The following CDH12 variants were observed in gnomAD, a reference collection of about 807,000 sequenced individuals.
CDH12 encodes cadherin 12, also known as cadherin-12.
CDH12 carries 41 observed loss-of-function variants against 74.1 expected under a neutral mutation model. The ratio of observed to expected loss-of-function variants is 0.55; its 90% CI spans 0.43 to 0.72. The LOEUF is 0.72. Among genes scored for constraint, CDH12 ranks in the 30% least tolerant of loss-of-function variants. CDH12 has a pLI of 0.00. For synonymous variants in CDH12, 399 were observed against 355.0 expected, an observed-to-expected ratio of 1.12 and a Z score of -1.39; for missense variants, 945 against 977.2, an observed-to-expected ratio of 0.97 and a Z score of 0.44.
At chr5:22,225,542 A>G (rs1180324677) in intron 3 of CDH12, among the ~76,000 whole-genome samples, 1 of 152,138 alleles carries the variant, frequency 6.6e-6, no homozygotes, top group African/African-American at 2.4e-5. Flanking sequence ...ACTGTTTTTC[A>G]GAGAAACGTT....
At chr5:22,685,052 G>C (rs991071473) in intron 1 of CDH12, among the ~76,000 whole-genome samples, 8 of 152,084 alleles carry the variant, frequency 5.3e-5, no homozygotes, top group African/African-American at 1.9e-4. Context: ...ACATTTTATG[G>C]AGGTGATTTA....
intron 10 of CDH12, among the ~76,000 whole-genome samples, chr5:21,787,993 A>G (rs763033883): frequency 4.6e-5 from 7 of 152,192 alleles, no homozygotes; most frequent in Non-Finnish European, 8.8e-5. Context: ...TTCTGAAAGA[A>G]TTGCTGATGT....
intron 1 of CDH12, among the ~76,000 whole-genome samples, chr5:22,572,025 C>T (rs1439501872): frequency 1.3e-5 from 2 of 152,030 alleles, no homozygotes; most frequent in South Asian, 2.1e-4. Flanking sequence ...GACAGACTTA[C>T]TCAATGTAGG....
intron 3 of CDH12, among the ~76,000 whole-genome samples, chr5:22,221,980 G>A (rs1419450832): frequency 6.6e-6 from 1 of 151,834 alleles, no homozygotes; most frequent in East Asian, 1.9e-4. Context: ...TATTTCTGAA[G>A]CTTGCCTGAC....
At chr5:22,416,725 G>A (rs1340407773) in intron 2 of CDH12, among the ~76,000 whole-genome samples, 1 of 152,132 alleles carries the variant, frequency 6.6e-6, no homozygotes, top group African/African-American at 2.4e-5. Flanking sequence ...TACCTTAAAA[G>A]GAATTGTAAG....
chr5:21,867,483 C>T (rs1326078431), intron 6 of CDH12, among the ~76,000 whole-genome samples: 1 of 152,234 alleles, frequency 6.6e-6, no homozygotes, highest in Non-Finnish European at 1.5e-5. Context: ...TGCCCAACAC[C>T]ATGGGAACCC....
At chr5:22,153,855 T>A (rs1369589883) in intron 4 of CDH12, among the ~76,000 whole-genome samples, 1 of 119,776 alleles carries the variant, frequency 8.3e-6, no homozygotes, top group Non-Finnish European at 1.7e-5. Context: ...TATATGTGTG[T>A]GTGTATATAT....
intron 1 of CDH12, among the ~76,000 whole-genome samples, chr5:22,722,669 A>C (rs1213119736): frequency 1.3e-5 from 2 of 152,216 alleles, no homozygotes; most frequent in African/African-American, 2.4e-5. Context: ...ATATGCGTAC[A>C]CATAGTTGCA....
intron 4 of CDH12, among the ~76,000 whole-genome samples, chr5:22,191,567 T>TC (rs1750285261): frequency 1.7e-5 from 1 of 58,550 alleles, no homozygotes; most frequent in African/African-American, 5.9e-5. Flanking sequence ...TTTATTTTTA[T>TC]TTTTTTTTTT....
chr5:22,557,693 A>T (rs1738858492), intron 1 of CDH12, among the ~76,000 whole-genome samples: 1 of 152,120 alleles, frequency 6.6e-6, no homozygotes, highest in Non-Finnish European at 1.5e-5. Flanking sequence ...TTGTGCAATT[A>T]CCTACAATGA....
Position 22,742,718 on chromosome 5 carries a change from TTATA to T in CDH12, c.-523+110336_-523+110339del, listed in dbSNP as rs765245609. 7.4e-5 allele frequency among the ~76,000 whole-genome samples: 11 copies of T among 149,356 alleles called. No homozygotes were observed. The East Asian group carries it at 1.6e-3, about 21-fold the overall frequency. ...ACAATTGAACAAGTACATTTATATA[TTATA>T]TATATTATATTATTTTACTATGTTA... On this transcript the variant is annotated intron_variant, in intron 1 of 14. Transcript: ENST00000382254.
chr5:22,238,782 C>T (rs1752646444), intron 3 of CDH12, among the ~76,000 whole-genome samples: 1 of 152,170 alleles, frequency 6.6e-6, no homozygotes, highest in Admixed American at 6.5e-5. Context: ...CTCTTACTTA[C>T]ATTTTCATTT....
chr5:22,709,925 A>G (rs1022078056), intron 1 of CDH12, among the ~76,000 whole-genome samples: 2 of 152,190 alleles, frequency 1.3e-5, no homozygotes, highest in African/African-American at 4.8e-5. Flanking sequence ...AGGTGTGATT[A>G]TGTGTAGGTT....
intron 5 of CDH12, among the ~76,000 whole-genome samples, chr5:21,996,940 T>A (rs773347215): frequency 6.6e-6 from 1 of 152,144 alleles, no homozygotes; most frequent in Non-Finnish European, 1.5e-5. Context: ...AGCGTCATTA[T>A]CTGACTTGGG....
intron 3 of CDH12, among the ~76,000 whole-genome samples, chr5:22,297,643 T>A (rs998124372): frequency 6.6e-6 from 1 of 152,216 alleles, no homozygotes; most frequent in Non-Finnish European, 1.5e-5. Context: ...CTAATTAATC[T>A]TCAATTATGA....
At chr5:22,015,758 TA>T (rs1737564422) in intron 5 of CDH12, among the ~76,000 whole-genome samples, 1 of 152,194 alleles carries the variant, frequency 6.6e-6, no homozygotes. Flanking sequence ...GACAGATAGT[TA>T]TACCAGAGAT....
chr5:22,359,353 AG>A (rs1740700944), intron 3 of CDH12, among the ~76,000 whole-genome samples: 1 of 152,218 alleles, frequency 6.6e-6, no homozygotes, highest in Non-Finnish European at 1.5e-5. Flanking sequence ...ATAATGGTAA[AG>A]GGATCAATTC....
intron 1 of CDH12, among the ~76,000 whole-genome samples, chr5:22,721,614 T>C (rs1363262288): frequency 2.0e-5 from 3 of 152,172 alleles, no homozygotes; most frequent in Admixed American, 6.5e-5. Context: ...TGATTGGTTT[T>C]GAAATGTAAG....
chr5:22,576,016 C>A (rs1037043146), intron 1 of CDH12, among the ~76,000 whole-genome samples: 2 of 152,086 alleles, frequency 1.3e-5, no homozygotes, highest in Non-Finnish European at 2.9e-5. Flanking sequence ...CATGAGCCAC[C>A]AAGCCTGGCC....
Sources: gnomAD v4.1 joint callset for allele counts (sites outside exome capture counted in the v4.1 genomes callset) on GRCh38, gnomAD v4.1.1 for gene constraint, MANE v1.5 for transcripts, NCBI Gene and HGNC (gene_info 2026-07-23, HGNC 2026-07-21) for gene names.